OPCML: variants seen among roughly 807,000 people sequenced by gnomAD.
OPCML encodes opioid binding protein/cell adhesion molecule like, also known as opioid-binding protein/cell adhesion molecule.
In OPCML, 13 loss-of-function variants were observed where a neutral mutation model predicts 37.8. The ratio of observed to expected loss-of-function variants is 0.34; its 90% CI spans 0.22 to 0.55. The LOEUF (loss-of-function observed/expected upper bound fraction) is 0.55. Ranked by LOEUF, OPCML falls within the 20% of genes least tolerant of loss-of-function variation. OPCML has a pLI of 0.91. For synonymous variants in OPCML, 176 were observed against 168.8 expected, an observed-to-expected ratio of 1.04 and a Z score of -0.33; for missense variants, 341 against 435.6, an observed-to-expected ratio of 0.78 and a Z score of 1.93.
intron 1 of OPCML, among the ~76,000 whole-genome samples, chr11:133,328,727 T>C (rs1157844244): frequency 6.6e-6 from 1 of 152,130 alleles, no homozygotes; most frequent in Non-Finnish European, 1.5e-5. Context: ...GCCAATATCA[T>C]ACTGAATGGG....
At chr11:132,999,795 G>A (rs1367460363) in intron 1 of OPCML, among the ~76,000 whole-genome samples, 3 of 152,122 alleles carry the variant, frequency 2.0e-5, no homozygotes, top group Admixed American at 6.5e-5. Context: ...AGAGCTTCAG[G>A]TGGTTCTGTT....
At chr11:132,876,856 A>T (rs957367465) in intron 2 of OPCML, among the ~76,000 whole-genome samples, 2 of 152,184 alleles carry the variant, frequency 1.3e-5, no homozygotes, top group African/African-American at 4.8e-5. Flanking sequence ...GGGGTAAAGG[A>T]TGTGGTTTTT....
At position 132,688,830 on chromosome 11, in the gene OPCML, G is replaced by C. The variant is rs571830345; in HGVS notation, c.147-31511C>G. ...CCGGGCGCGGTGGCGGGCGCCTGTA[G>C]TCCCAGCTACTCGGGAGGCTGAGGC... On this transcript the variant is annotated intron_variant, in intron 2 of 7. Coordinates refer to ENST00000524381, the MANE Select transcript of OPCML (RefSeq NM_001012393.5). Among the ~76,000 whole-genome samples the C allele has an allele frequency of 2.2e-5, 2 of 91,556 alleles. 1 individual carries two copies. The highest frequency in any genetic ancestry group is 2.5e-4 in the Admixed American group (2 of 8,012). The allele number at this position is 91,556 out of a possible 152,430, so 60.1% of individuals were successfully genotyped here.
chr11:133,302,851 AT>A (rs1942814199), intron 1 of OPCML, among the ~76,000 whole-genome samples: 1 of 152,196 alleles, frequency 6.6e-6, no homozygotes, highest in Admixed American at 6.5e-5. Context: ...GATGTTACAT[AT>A]TGGGATGTAG....
At chr11:133,036,185 G>A (rs930770520) in intron 1 of OPCML, among the ~76,000 whole-genome samples, 3 of 152,192 alleles carry the variant, frequency 2.0e-5, no homozygotes, top group African/African-American at 7.2e-5. Flanking sequence ...GACAACAAAT[G>A]ATGGTTGCTT....
chr11:132,707,232 C>A (rs541264415), intron 2 of OPCML, among the ~76,000 whole-genome samples: 1 of 152,074 alleles, frequency 6.6e-6, no homozygotes, highest in Non-Finnish European at 1.5e-5. Flanking sequence ...GAGCAATATA[C>A]GGAACTGTAT....
In OPCML at chr11:133,212,879, T is replaced by C. The variant is rs1270218110; in HGVS notation, c.62-269869A>G. 6.6e-6 allele frequency among the ~76,000 whole-genome samples: 1 copy of C among 152,202 alleles called. No homozygotes were observed. Among genetic ancestry groups the C allele is most frequent in the Non-Finnish European group, 1.5e-5 (1 of 68,048 alleles). On this transcript the variant is annotated intron_variant, in intron 1 of 7. Transcript: ENST00000524381. The surrounding 1 kb of genome is among the most constrained non-coding windows in gnomAD (Gnocchi z 4.9). ...TTTCCATACTCTAAAATTCCACGTTTGTATCTGCGTCATGCCGTTAAACCA... is the reference window on the plus strand; with the variant it reads ...TTTCCATACTCTAAAATTCCACGTTCGTATCTGCGTCATGCCGTTAAACCA...
chr11:132,437,477 G>A (rs1165999901), intron 4 of OPCML, 118 bp from the exon 5 acceptor site: 1 of 1,505,898 alleles, frequency 6.6e-7, no homozygotes, highest in African/African-American at 1.4e-5. Context: ...AATGGAGTAG[G>A]ACATCAAGTC....
chr11:133,142,226 CA>C (rs574490967), intron 1 of OPCML, among the ~76,000 whole-genome samples: 4 of 151,896 alleles, frequency 2.6e-5, no homozygotes, highest in Non-Finnish European at 5.9e-5. Context: ...GATCCAAAAC[CA>C]AAAAAGGGTC....
chr11:133,516,354 G>A (rs1948272148), intron 1 of OPCML, among the ~76,000 whole-genome samples: 4 of 152,168 alleles, frequency 2.6e-5, no homozygotes, highest in Admixed American at 2.6e-4. Context: ...ACAGCCAGGG[G>A]CTTCGGAGAG....
At position 132,714,586 on chromosome 11, in the gene OPCML, G is replaced by A. The variant is rs961095149; in HGVS notation, c.147-57267C>T. Among the ~76,000 whole-genome samples the A allele has an allele frequency of 4.4e-5, 6 of 134,946 alleles. 1 individual carries two copies. The Middle Eastern group carries it at 0.018, about 407-fold the overall frequency. 88.5% of individuals were successfully genotyped at this position (134,946 alleles called of 152,430 possible). A position where few individuals can be genotyped will look rare whatever the true frequency, so the allele number is the denominator to read the frequency against. On this transcript the variant is annotated intron_variant, in intron 2 of 7. Transcript: ENST00000524381. The stretch of plus-strand genomic sequence containing the variant: ...AGTCAAAATATCATTGATAAATCTT[G>A]ACTTTGGGCTCTGAAGCTTGACAGA...
chr11:133,347,717 C>T (rs1376689937), intron 1 of OPCML, among the ~76,000 whole-genome samples: 2 of 152,102 alleles, frequency 1.3e-5, no homozygotes, highest in East Asian at 1.9e-4. Context: ...TTTCTTGACT[C>T]GGAAAGGAAA....
intron 3 of OPCML, among the ~76,000 whole-genome samples, chr11:132,578,951 C>T (rs1459706474): frequency 6.6e-6 from 1 of 152,000 alleles, no homozygotes; most frequent in East Asian, 1.9e-4. Context: ...AAGCCTCCCA[C>T]ACCTGCCCCT....
At chr11:133,210,841 C>A (rs950356413) in intron 1 of OPCML, among the ~76,000 whole-genome samples, 1 of 152,080 alleles carries the variant, frequency 6.6e-6, no homozygotes, top group Non-Finnish European at 1.5e-5. Flanking sequence ...TTTTTTGAGA[C>A]TACAGAAGAT....
intron 4 of OPCML, among the ~76,000 whole-genome samples, chr11:132,507,184 A>G (rs2096259042): frequency 6.6e-6 from 1 of 152,014 alleles, no homozygotes; most frequent in Admixed American, 6.6e-5. Context: ...TTTTATGTGT[A>G]AAATACAAAA....
chr11:132,957,757 T>C (rs1946002545), intron 1 of OPCML, among the ~76,000 whole-genome samples: 1 of 152,190 alleles, frequency 6.6e-6, no homozygotes. Context: ...TCAGTAATCT[T>C]TGATGTTACT....
At chr11:132,764,682 C>T (rs970110440) in intron 2 of OPCML, among the ~76,000 whole-genome samples, 1 of 152,134 alleles carries the variant, frequency 6.6e-6, no homozygotes, top group Non-Finnish European at 1.5e-5. Flanking sequence ...CATGGAGGAC[C>T]TCTGTTCCAC....
At chr11:133,423,499 A>C (rs1945936012) in intron 1 of OPCML, 1 of 985,290 alleles carries the variant, frequency 1.0e-6, no homozygotes, top group Admixed American at 6.1e-5. Context: ...GCAGTCATAG[A>C]AGCTCCCAAA....
chr11:132,710,248 T>C (rs1414077436), intron 2 of OPCML, among the ~76,000 whole-genome samples: 4 of 152,192 alleles, frequency 2.6e-5, no homozygotes, highest in Non-Finnish European at 5.9e-5. Flanking sequence ...TAGGAAGAAT[T>C]CAGTTTTTTT....
Sources: allele counts gnomAD v4.1 joint callset (sites outside exome capture counted in the v4.1 genomes callset), GRCh38; gene constraint gnomAD v4.1.1; non-coding constraint Gnocchi (gnomAD v3.1); transcripts MANE v1.5; gene names NCBI Gene and HGNC (gene_info 2026-07-23, HGNC 2026-07-21).